CRACD: variants seen among roughly 807,000 people sequenced by gnomAD.
CRACD encodes capping protein inhibiting regulator of actin dynamics.
Under a neutral mutation model 106.8 loss-of-function variants are expected in CRACD, and 56 were observed. The ratio of observed to expected loss-of-function variants is 0.52; its 90% confidence interval spans 0.42 to 0.66. The LOEUF is 0.66. CRACD is among the 30% of genes least tolerant of loss of function. CRACD has a pLI of 0.00. For missense variants in CRACD, 1,730 were observed against 1,623.2 expected (o/e 1.07, Z -1.13); for synonymous variants, 754 against 670.8 (o/e 1.12, Z -1.92).
intron 2 of CRACD, among the ~76,000 whole-genome samples, chr4:56,235,204 A>G (rs537782922): frequency 6.6e-6 from 1 of 152,350 alleles, no homozygotes; most frequent in African/African-American, 2.4e-5. Context: ...ATCTGGCCAA[A>G]TGCCATAAAG....
chr4:56,180,452 G>A (rs1383851614), intron 2 of CRACD, among the ~76,000 whole-genome samples: 1 of 151,894 alleles, frequency 6.6e-6, no homozygotes, highest in East Asian at 1.9e-4. Context: ...TCTCACTGCT[G>A]CACTCCAGCC....
intron 1 of CRACD, among the ~76,000 whole-genome samples, chr4:56,111,809 C>T (rs1734132579): frequency 6.6e-6 from 1 of 152,136 alleles, no homozygotes. Context: ...TGAGCCAACG[C>T]ACCCAGCCTG....
intron 1 of CRACD, among the ~76,000 whole-genome samples, chr4:56,150,669 C>A (rs1735548322): frequency 6.6e-6 from 1 of 152,208 alleles, no homozygotes; most frequent in Non-Finnish European, 1.5e-5. Context: ...TTGCTTCTTT[C>A]ATTCAACATT....
At chr4:56,065,000 G>A (rs1482391861) in intron 1 of CRACD, among the ~76,000 whole-genome samples, 2 of 151,564 alleles carry the variant, frequency 1.3e-5, no homozygotes, top group East Asian at 3.9e-4. Flanking sequence ...TGGTTGCAGG[G>A]CAGTGGGTGG....
At chr4:56,230,177 A>G (rs1739536985) in intron 2 of CRACD, among the ~76,000 whole-genome samples, 1 of 152,090 alleles carries the variant, frequency 6.6e-6, no homozygotes, top group Non-Finnish European at 1.5e-5. Context: ...TTTTAAGTCC[A>G]TTACATGCCC....
intron 8 of CRACD, 51 bp downstream of exon 8, chr4:56,316,740 G>T: frequency 6.8e-7 from 1 of 1,476,378 alleles, no homozygotes; most frequent in Non-Finnish European, 9.1e-7. Flanking sequence ...GTCAGAGCCA[G>T]GGCATCAAGA....
At chr4:56,114,149 C>T (rs749095031) in intron 1 of CRACD, among the ~76,000 whole-genome samples, 35 of 151,616 alleles carry the variant, frequency 2.3e-4, no homozygotes, top group Non-Finnish European at 2.9e-4. Context: ...AATTATGTTG[C>T]CATGGATTTA....
chr4:56,313,370 C>A lies in CRACD; in HGVS notation c.528C>A (p.Arg176=), dbSNP rs1399389384. Residue 176 remains arginine (R), a synonymous_variant, in exon 7 of 11, where the codon CGC becomes CGA. Transcript: ENST00000682029. Reference sequence around the variant, plus strand: ...AGAGGGTGTCAAAGAAGCACAGGCGCCTTGCCCAGGTGTGTAGAGCCTGCA... The same window carrying A: ...AGAGGGTGTCAAAGAAGCACAGGCGACTTGCCCAGGTGTGTAGAGCCTGCA... ...KKQRVSKKHR[R]LAQDPQHEQG... 1.9e-6 allele frequency: 3 copies of A among 1,613,386 alleles called. No individual in the cohort carries two copies. The African/African-American group carries it at 4.0e-5, about 22-fold the overall frequency.
At chr4:56,275,146 G>T (rs115722964) in intron 3 of CRACD, among the ~76,000 whole-genome samples, 1,538 of 152,194 alleles carry the variant, frequency 0.01, 32 homozygotes, top group African/African-American at 0.036. Flanking sequence ...GAGGGTGAGT[G>T]GGGGGAAAGG....
chr4:56,049,722 C>T (rs1368258995), intron 1 of CRACD: 1 of 152,556 alleles, frequency 6.6e-6, no homozygotes, highest in East Asian at 1.9e-4. Flanking sequence ...TCAGCCCTCT[C>T]CCCACCGCCC....
intron 1 of CRACD, among the ~76,000 whole-genome samples, chr4:56,135,484 G>A (rs533280286): frequency 6.6e-6 from 1 of 152,310 alleles, no homozygotes; most frequent in East Asian, 1.9e-4. Flanking sequence ...AATGTCAAAT[G>A]TCCATTTTCA....
intron 3 of CRACD, among the ~76,000 whole-genome samples, chr4:56,291,176 AGAGT>A (rs1743681073): frequency 6.6e-6 from 1 of 152,140 alleles, no homozygotes; most frequent in Non-Finnish European, 1.5e-5. Flanking sequence ...GAGCAGAGAG[AGAGT>A]GAGGGAAAGT....
At chr4:56,279,904 C>A (rs1370541579) in intron 3 of CRACD, among the ~76,000 whole-genome samples, 4 of 151,924 alleles carry the variant, frequency 2.6e-5, no homozygotes, top group Admixed American at 2.0e-4. Context: ...AAATGTCCAA[C>A]AATGATAGAC....
intron 1 of CRACD, among the ~76,000 whole-genome samples, chr4:56,174,711 C>T (rs1420763385): frequency 6.6e-6 from 1 of 152,108 alleles, no homozygotes; most frequent in East Asian, 1.9e-4. Context: ...AATGCTGTAT[C>T]TTGGCTATTG....
At chr4:56,191,497 C>G (rs1357931496) in intron 2 of CRACD, among the ~76,000 whole-genome samples, 1 of 152,112 alleles carries the variant, frequency 6.6e-6, no homozygotes, top group East Asian at 1.9e-4. Context: ...CTGCCTCCCT[C>G]TTATAAAGAC....
chr4:56,267,936 G>C (rs1179784684), intron 2 of CRACD, among the ~76,000 whole-genome samples: 1 of 152,178 alleles, frequency 6.6e-6, no homozygotes, highest in Non-Finnish European at 1.5e-5. Flanking sequence ...CCAGTTCTCA[G>C]AACTAAGGCT....
intron 2 of CRACD, among the ~76,000 whole-genome samples, chr4:56,229,656 C>CAT: frequency 6.6e-6 from 1 of 152,250 alleles, no homozygotes; most frequent in Non-Finnish European, 1.5e-5. Flanking sequence ...CTGTATTGAA[C>CAT]ATATATCCTG....
intron 3 of CRACD, among the ~76,000 whole-genome samples, chr4:56,280,057 A>G (rs28576130): frequency 0.46 from 67,930 of 146,094 alleles, 16,035 homozygotes; most frequent in African/African-American, 0.63. Flanking sequence ...AAAACCAAAC[A>G]CCGCATGTTC....
At chr4:56,302,656 T>A (rs192276182) in intron 4 of CRACD, among the ~76,000 whole-genome samples, 6 of 152,312 alleles carry the variant, frequency 3.9e-5, no homozygotes, top group East Asian at 1.9e-4. Flanking sequence ...TTTCTTTTTT[T>A]TTATTATTAT....
Sources: allele counts gnomAD v4.1 joint callset (sites outside exome capture counted in the v4.1 genomes callset), GRCh38; gene constraint gnomAD v4.1.1; transcripts MANE v1.5; gene names NCBI Gene and HGNC (gene_info 2026-07-23, HGNC 2026-07-21).